The following KCNMA1 variants were observed in gnomAD, a reference collection of about 807,000 sequenced individuals.
KCNMA1 encodes potassium calcium-activated channel subfamily M alpha 1.
A neutral mutation model predicts 140.0 loss-of-function variants in KCNMA1; 29 were observed. That is an observed-to-expected ratio of 0.21 (90% confidence interval 0.15 to 0.28). The LOEUF (loss-of-function observed/expected upper bound fraction) is 0.28, where lower values mean the gene tolerates loss of function less well. Among genes scored for constraint, KCNMA1 ranks in the 10% least tolerant of loss-of-function variants. The pLI, the probability that KCNMA1 is intolerant of heterozygous loss-of-function variation, is 1.00. For synonymous variants in KCNMA1, 612 were observed against 611.9 expected (o/e 1.00, Z 0.00); for missense variants, 880 against 1,602.2 (o/e 0.55, Z 7.70).
At chr10:77,636,519 G>T (rs1308293237) in intron 1 of KCNMA1, 2 of 1,536,184 alleles carry the variant, frequency 1.3e-6, no homozygotes, top group Admixed American at 3.9e-5. Flanking sequence ...GGGTGGCCTG[G>T]GGGCAAAGGA....
At chr10:77,046,593 G>A (rs1055459831) in intron 14 of KCNMA1, among the ~76,000 whole-genome samples, 2 of 152,168 alleles carry the variant, frequency 1.3e-5, no homozygotes, top group African/African-American at 2.4e-5. Flanking sequence ...TGAAAAGTAC[G>A]ATGTTAAGGC....
At chr10:77,017,913 T>A (rs1269899387) in intron 17 of KCNMA1, among the ~76,000 whole-genome samples, 1 of 152,172 alleles carries the variant, frequency 6.6e-6, no homozygotes, top group Non-Finnish European at 1.5e-5. Flanking sequence ...GAGAACCTAG[T>A]ACCTAGAATA....
chr10:77,198,837 G>T (rs899117532), intron 3 of KCNMA1, among the ~76,000 whole-genome samples: 7 of 152,002 alleles, frequency 4.6e-5, no homozygotes, highest in Non-Finnish European at 7.4e-5. Flanking sequence ...CTGCCTCCTA[G>T]TTCTGACAGG....
chr10:77,310,120 G>A (rs1275984144), intron 2 of KCNMA1, among the ~76,000 whole-genome samples: 2 of 152,152 alleles, frequency 1.3e-5, no homozygotes, highest in African/African-American at 2.4e-5. Flanking sequence ...ACAAAGAAGT[G>A]GAGTCAGGAA....
intron 21 of KCNMA1, among the ~76,000 whole-genome samples, chr10:76,951,188 C>T (rs899812477): frequency 6.6e-6 from 1 of 152,232 alleles, no homozygotes; most frequent in Non-Finnish European, 1.5e-5. Context: ...GATGCTGACC[C>T]CAGGAACTTC....
rs189316465 is a variant in KCNMA1 at position 77,479,801 on chromosome 10, T to C, written c.379-75778A>G. On this transcript the variant is annotated intron_variant, in intron 1 of 27. Coordinates refer to ENST00000286628, the MANE Select transcript of KCNMA1 (RefSeq NM_001161352.2). ...CTGCCTGGTGACATTTCCTGAATTG[T>C]TTCCCACGGGTCTTGTCTTTCAGGC... Among the ~76,000 whole-genome samples the C allele has an allele frequency of 2.3e-3, 344 of 152,318 alleles. 3 individuals are homozygous for C. Among genetic ancestry groups the C allele is most frequent in the African/African-American group, 8.0e-3 (333 of 41,558 alleles).
At chr10:77,155,337 T>A (rs1597388891) in intron 5 of KCNMA1, among the ~76,000 whole-genome samples, 1 of 152,190 alleles carries the variant, frequency 6.6e-6, no homozygotes, top group East Asian at 1.9e-4. Context: ...GTCAGATACC[T>A]CTGTAATCAT....
At chr10:77,385,030 T>C (rs1706418476) in intron 2 of KCNMA1, among the ~76,000 whole-genome samples, 2 of 152,184 alleles carry the variant, frequency 1.3e-5, no homozygotes, top group South Asian at 4.1e-4. Context: ...ACCTGTAACA[T>C]GGGGACAAGA....
At position 77,138,799 on chromosome 10, in the gene KCNMA1, C is replaced by T. The variant is rs549963304; in HGVS notation, c.809-17751G>A. 1.4e-4 allele frequency among the ~76,000 whole-genome samples: 21 copies of T among 152,320 alleles called. No individual in the cohort carries two copies. The East Asian group carries it at 2.7e-3, about 20-fold the overall frequency. Reference sequence around the variant, plus strand: ...TCTGCTCCAGAAACATTTCCCAGTTCGTCCTCAGCTCTGAGTCTTCCCTTC... The same window carrying T: ...TCTGCTCCAGAAACATTTCCCAGTTTGTCCTCAGCTCTGAGTCTTCCCTTC... On this transcript the variant is annotated intron_variant, in intron 5 of 27. Transcript: ENST00000286628.
chr10:77,590,273 G>A (rs1567734211), intron 1 of KCNMA1, among the ~76,000 whole-genome samples: 1 of 152,338 alleles, frequency 6.6e-6, no homozygotes, highest in East Asian at 1.9e-4. Flanking sequence ...GTCCCGCGCC[G>A]TGCGCCCGCA....
intron 3 of KCNMA1, among the ~76,000 whole-genome samples, chr10:77,202,167 T>C (rs2042695858): frequency 6.6e-6 from 1 of 152,230 alleles, no homozygotes; most frequent in Non-Finnish European, 1.5e-5. Context: ...ACTCAGCACC[T>C]GTTATAGGTA....
intron 2 of KCNMA1, among the ~76,000 whole-genome samples, chr10:77,369,207 C>T (rs2094535107): frequency 6.6e-6 from 1 of 152,150 alleles, no homozygotes; most frequent in African/African-American, 2.4e-5. Flanking sequence ...TCTAGGTCCT[C>T]AGAATCTGCA....
At chr10:77,517,347 T>A (rs1182385323) in intron 1 of KCNMA1, among the ~76,000 whole-genome samples, 1 of 152,172 alleles carries the variant, frequency 6.6e-6, no homozygotes, top group Non-Finnish European at 1.5e-5. Flanking sequence ...ACACGAAGGA[T>A]GAGCCTCTCA....
chr10:76,939,917 T>C (rs2061538555), intron 23 of KCNMA1: 1 of 152,186 alleles, frequency 6.6e-6, no homozygotes, highest in Non-Finnish European at 1.5e-5. Context: ...TACCAGCTGA[T>C]TTAAATTGAA....
At chr10:77,336,275 T>C (rs980462018) in intron 2 of KCNMA1, among the ~76,000 whole-genome samples, 5 of 152,088 alleles carry the variant, frequency 3.3e-5, no homozygotes, top group Non-Finnish European at 7.4e-5. Context: ...ATTACCTAGC[T>C]TCCACAGAGG....
At chr10:77,297,476 G>A (rs566945699) in intron 2 of KCNMA1, among the ~76,000 whole-genome samples, 48 of 152,250 alleles carry the variant, frequency 3.2e-4, no homozygotes, top group African/African-American at 1.1e-3. Flanking sequence ...TAACAGCTTT[G>A]CCCTAGCTCC....
chr10:77,191,479 T>G (rs2098937862), intron 3 of KCNMA1, among the ~76,000 whole-genome samples: 1 of 152,196 alleles, frequency 6.6e-6, no homozygotes, highest in Admixed American at 6.5e-5. Flanking sequence ...ACTTATCTTA[T>G]CAGAGCTGTG....
intron 2 of KCNMA1, among the ~76,000 whole-genome samples, chr10:77,375,663 C>T (rs2095048554): frequency 6.6e-6 from 1 of 152,230 alleles, no homozygotes; most frequent in African/African-American, 2.4e-5. Flanking sequence ...CACAGACCCC[C>T]TTCAAGAAGG....
At chr10:76,944,708 A>T (rs2063464191) in intron 23 of KCNMA1, 65 bp downstream of exon 23, 7 of 1,433,732 alleles carry the variant, frequency 4.9e-6, no homozygotes, top group African/African-American at 4.2e-5. Context: ...TGAGTGAAGG[A>T]TATCCCTCTT....
Sources: gnomAD v4.1 joint callset for allele counts (sites outside exome capture counted in the v4.1 genomes callset) on GRCh38, gnomAD v4.1.1 for gene constraint, MANE v1.5 for transcripts, NCBI Gene and HGNC (gene_info 2026-07-23, HGNC 2026-07-21) for gene names.